PDE1A: variants seen among roughly 807,000 people sequenced by gnomAD.
PDE1A encodes phosphodiesterase 1A.
Under a neutral mutation model 61.7 loss-of-function variants are expected in PDE1A, and 35 were observed. The observed-to-expected ratio is 0.57, with a 90% CI of 0.43 to 0.75. The LOEUF (loss-of-function observed/expected upper bound fraction) is 0.75. Among genes scored for constraint, PDE1A ranks in the 30% least tolerant of loss-of-function variants. The probability of loss-of-function intolerance (pLI) is 0.00; values close to 1 mark genes in which losing one functional copy is unlikely to be tolerated. For missense variants in PDE1A, 597 were observed against 630.6 expected, an observed-to-expected ratio of 0.95 and a Z score of 0.57; for synonymous variants, 232 against 213.2, an observed-to-expected ratio of 1.09 and a Z score of -0.77.
chr2:182,371,679 T>A (rs1700135132), intron 1 of PDE1A, among the ~76,000 whole-genome samples: 1 of 152,230 alleles, frequency 6.6e-6, no homozygotes, highest in Admixed American at 6.5e-5. Context: ...TAACCATTTG[T>A]TTAGGTGTTC....
chr2:182,596,776 A>T, the PDE1A span, among the ~76,000 whole-genome samples: 2 of 152,212 alleles, frequency 1.3e-5, no homozygotes, highest in African/African-American at 4.8e-5. Context: ...CAACAGCTAC[A>T]ATGAAAGCTG....
chr2:182,596,758 G>C, the PDE1A span, among the ~76,000 whole-genome samples: 3 of 152,050 alleles, frequency 2.0e-5, no homozygotes, highest in Middle Eastern at 3.2e-3. Context: ...AGAGAGTAAG[G>C]CAAGAATCAA....
At chr2:182,508,899 C>T (rs938735746) in intron 2 of PDE1A, among the ~76,000 whole-genome samples, 10 of 150,050 alleles carry the variant, frequency 6.7e-5, no homozygotes, top group Non-Finnish European at 1.3e-4. Flanking sequence ...CATGCTGGTG[C>T]ACTGCACCCA....
chr2:182,455,456 A>G (rs945362299), intron 2 of PDE1A, among the ~76,000 whole-genome samples: 7 of 152,182 alleles, frequency 4.6e-5, no homozygotes, highest in African/African-American at 1.7e-4. Context: ...ACACATGCAC[A>G]TGTATGTTTA....
At chr2:182,204,440 T>A (rs1488029559) in intron 8 of PDE1A, among the ~76,000 whole-genome samples, 1 of 152,140 alleles carries the variant, frequency 6.6e-6, no homozygotes, top group African/African-American at 2.4e-5. Context: ...CGTACACATA[T>A]TTTTTCCCCT....
intron 2 of PDE1A, among the ~76,000 whole-genome samples, chr2:182,455,001 T>C (rs1053656309): frequency 3.0e-4 from 45 of 151,894 alleles, no homozygotes; most frequent in Non-Finnish European, 6.0e-4. Context: ...TTTTGCAACC[T>C]ACTCATCTGA....
the PDE1A span, among the ~76,000 whole-genome samples, chr2:182,584,713 T>C: frequency 7.9e-5 from 12 of 152,184 alleles, no homozygotes; most frequent in Non-Finnish European, 1.5e-4. Context: ...TGGGAGTCTC[T>C]TGCCAGCAAC....
chr2:182,584,450 G>T, the PDE1A span, among the ~76,000 whole-genome samples: 10 of 152,176 alleles, frequency 6.6e-5, no homozygotes, highest in Non-Finnish European at 1.5e-4. Flanking sequence ...GACTTTACAG[G>T]CAAACTACTT....
intron 7 of PDE1A, among the ~76,000 whole-genome samples, chr2:182,214,702 C>A (rs534927044): frequency 0.029 from 4,099 of 143,518 alleles, 193 homozygotes; most frequent in African/African-American, 0.1. Flanking sequence ...ATCAATTCAA[C>A]AAGAAGAGCT....
At chr2:182,684,131 A>G in the PDE1A span, among the ~76,000 whole-genome samples, 8 of 151,740 alleles carry the variant, frequency 5.3e-5, no homozygotes, top group Non-Finnish European at 8.8e-5. Flanking sequence ...CTCAAAAAAA[A>G]AAAAAAAAAG....
chr2:182,690,761 G>C, the PDE1A span, among the ~76,000 whole-genome samples: 1 of 152,212 alleles, frequency 6.6e-6, no homozygotes. Flanking sequence ...CAGATGACAT[G>C]ATTGTATATC....
chr2:182,242,860 T>G (rs929992951), intron 2 of PDE1A, among the ~76,000 whole-genome samples: 2 of 150,898 alleles, frequency 1.3e-5, no homozygotes, highest in African/African-American at 2.4e-5. Context: ...TATCTCGCTC[T>G]CTCTCTCCTC....
the PDE1A span, among the ~76,000 whole-genome samples, chr2:182,568,643 T>C: frequency 3.9e-5 from 6 of 152,206 alleles, no homozygotes; most frequent in East Asian, 3.9e-4. Flanking sequence ...CCAGCCTGGG[T>C]GACACAGTGA....
chr2:182,248,956 T>A (rs1454855733), intron 2 of PDE1A, among the ~76,000 whole-genome samples: 1 of 152,228 alleles, frequency 6.6e-6, no homozygotes, highest in Non-Finnish European at 1.5e-5. Flanking sequence ...ACCATTTAAC[T>A]AAGTATTTTA....
chr2:182,455,033 C>T (rs906277538), intron 2 of PDE1A, among the ~76,000 whole-genome samples: 5 of 151,920 alleles, frequency 3.3e-5, no homozygotes, highest in Non-Finnish European at 7.4e-5. Flanking sequence ...TATCCAGAAT[C>T]TACAATGAAC....
chr2:182,693,819 G>C, the PDE1A span, among the ~76,000 whole-genome samples: 1 of 151,678 alleles, frequency 6.6e-6, no homozygotes, highest in Non-Finnish European at 1.5e-5. Flanking sequence ...ACTAATTTTT[G>C]TATTTTTAGT....
the PDE1A span, among the ~76,000 whole-genome samples, chr2:182,605,973 C>A: frequency 2.6e-5 from 4 of 152,138 alleles, no homozygotes; most frequent in South Asian, 4.1e-4. Context: ...CAAGGCCTAT[C>A]TGATTTTCAG....
chr2:182,313,960 T>G (rs1393372429), intron 1 of PDE1A, among the ~76,000 whole-genome samples: 4 of 152,224 alleles, frequency 2.6e-5, no homozygotes, highest in African/African-American at 9.6e-5. Flanking sequence ...AAGCAGTCAC[T>G]GTGGAAAACC....
intron 1 of PDE1A, among the ~76,000 whole-genome samples, chr2:182,287,623 T>C (rs1199162154): frequency 1.3e-5 from 2 of 152,124 alleles, no homozygotes; most frequent in Admixed American, 1.3e-4. Context: ...CAACCAACTC[T>C]ACTGAGCTGA....
Sources: gnomAD v4.1 joint callset for allele counts (sites outside exome capture counted in the v4.1 genomes callset) on GRCh38, gnomAD v4.1.1 for gene constraint, MANE v1.5 for transcripts, NCBI Gene and HGNC (gene_info 2026-07-23, HGNC 2026-07-21) for gene names.